Variants in FYCO1 observed in about 807,000 individuals in gnomAD.
FYCO1 encodes FYVE and coiled-coil domain-containing protein 1.
A neutral mutation model predicts 165.1 loss-of-function variants in FYCO1; 122 were observed. The observed-to-expected ratio is 0.74, with a 90% confidence interval of 0.64 to 0.86. The LOEUF is 0.86. Ranked by LOEUF, FYCO1 falls within the 40% of genes least tolerant of loss-of-function variation. The probability of loss-of-function intolerance (pLI) is 0.00; values close to 1 mark genes in which losing one functional copy is unlikely to be tolerated. For synonymous variants in FYCO1, 648 were observed against 742.5 expected, an observed-to-expected ratio of 0.87 and a Z score of 2.07; for missense variants, 1,702 against 1,810.3, an observed-to-expected ratio of 0.94 and a Z score of 1.09.
intron 14 of FYCO1, among the ~76,000 whole-genome samples, chr3:45,952,265 C>T (rs775433716): frequency 3.9e-5 from 6 of 152,206 alleles, no homozygotes; most frequent in Non-Finnish European, 5.9e-5. Context: ...TAATCTCTCC[C>T]GGATCCCTTC....
At chr3:45,941,088 G>C (rs987747875) in intron 14 of FYCO1, 1 of 152,252 alleles carries the variant, frequency 6.6e-6, no homozygotes, top group African/African-American at 2.4e-5. Context: ...TGCCGGCTAT[G>C]TTGCCCAGGC....
intron 16 of FYCO1, among the ~76,000 whole-genome samples, chr3:45,926,829 T>C (rs1373851215): frequency 6.6e-6 from 1 of 152,114 alleles, no homozygotes; most frequent in Non-Finnish European, 1.5e-5. Flanking sequence ...CTGGGCATGG[T>C]GGCGCATGCC....
At chr3:45,988,714 G>A (rs1707429670) in intron 1 of FYCO1, among the ~76,000 whole-genome samples, 1 of 152,198 alleles carries the variant, frequency 6.6e-6, no homozygotes, top group Non-Finnish European at 1.5e-5. Context: ...TCAAAATTAT[G>A]TTTAAGCCTA....
At chr3:45,954,992 C>T (rs578072972) in intron 14 of FYCO1, among the ~76,000 whole-genome samples, 2 of 152,316 alleles carry the variant, frequency 1.3e-5, no homozygotes, top group African/African-American at 4.8e-5. Flanking sequence ...AATATAGTCG[C>T]TCAAGCCAAG....
At chr3:45,979,851 G>A in intron 3 of FYCO1, 21 bp from the exon 4 acceptor site, 1 of 1,613,418 alleles carries the variant, frequency 6.2e-7, no homozygotes. Context: ...AAAGGGAAAG[G>A]GAGAGGAGGT....
At chr3:45,948,444 C>G (rs956663299) in intron 14 of FYCO1, 4 of 152,918 alleles carry the variant, frequency 2.6e-5, no homozygotes, top group African/African-American at 4.8e-5. Flanking sequence ...GGAAATAAGT[C>G]GTAAACTTTC....
chr3:45,948,665 G>A (rs1704795418), intron 14 of FYCO1, among the ~76,000 whole-genome samples: 2 of 152,026 alleles, frequency 1.3e-5, no homozygotes, highest in African/African-American at 4.8e-5. Flanking sequence ...ATGTTTTTTG[G>A]GCTTATGTAT....
chr3:45,984,750 G>T, intron 2 of FYCO1, 106 bp downstream of exon 2: 1 of 1,152,244 alleles, frequency 8.7e-7, no homozygotes, highest in Non-Finnish European at 1.3e-6. Flanking sequence ...CCAATTACTC[G>T]TTGTGTGAAC....
At position 45,923,770 on chromosome 3, in the gene FYCO1, G is replaced by C; in HGVS notation, c.4252-5C>G. On this transcript the variant is annotated splice_region_variant and splice_polypyrimidine_tract_variant and intron_variant, in intron 16 of 17. Coordinates refer to ENST00000296137, the MANE Select transcript of FYCO1 (RefSeq NM_024513.4). ...TCGGGTCGTGGGAATGAGGACCTGG[G>C]AGGGAAAGCAGGTAGGCAAAAACAT... The C allele has an allele frequency of 6.2e-7, 1 of 1,604,574 alleles. No individual in the cohort carries two copies. Among genetic ancestry groups the C allele is most frequent in the Non-Finnish European group, 8.5e-7 (1 of 1,171,276 alleles).
chr3:45,947,288 C>A, intron 14 of FYCO1: 1 of 1,614,144 alleles, frequency 6.2e-7, no homozygotes, highest in South Asian at 1.1e-5. Flanking sequence ...TTCACTACAC[C>A]ATCATGGTGA....
Position 45,968,497 on chromosome 3 carries a change from C to T in FYCO1, c.837G>A (p.Glu279=). 1 of 1,614,084 alleles carries T rather than the reference C, an allele frequency of 6.2e-7. No individual in the cohort carries two copies. Among genetic ancestry groups the T allele is most frequent in the South Asian group, 1.1e-5 (1 of 91,088 alleles). Residue 279 remains glutamate, a synonymous_variant, in exon 8 of 18, where the codon GAG becomes GAA. Coordinates refer to ENST00000296137, the MANE Select transcript of FYCO1 (RefSeq NM_024513.4). Reference sequence around the variant, plus strand: ...TGTCCTCCGCTGCAGTGCGCCCCCTCTCCCTCTCTGTCTGCAGTTGCTCCC... The same window carrying T: ...TGTCCTCCGCTGCAGTGCGCCCCCTTTCCCTCTCTGTCTGCAGTTGCTCCC... ...QQGEQLQTER[E]RGRTAAEDNV...
rs1353146089 is a variant in FYCO1 at position 45,964,522 on chromosome 3, T to C, written c.3151-68A>G. On this transcript the variant is annotated intron_variant, in intron 9 of 17. Coordinates refer to ENST00000296137, the MANE Select transcript of FYCO1 (RefSeq NM_024513.4). The surrounding 1 kb of genome is among the most constrained non-coding windows in gnomAD (Gnocchi z 4.1). The stretch of plus-strand genomic sequence containing the variant: ...GCCATGCAACGTACCATAAAGTGGC[T>C]GGTGTGCCATCCACCCCATCTGGCT... 15 of 1,604,032 alleles carry C rather than the reference T, an allele frequency of 9.4e-6. No homozygotes were observed. Among genetic ancestry groups the C allele is most frequent in the Non-Finnish European group, 1.3e-5 (15 of 1,175,886 alleles).
At chr3:45,979,982 G>A in intron 3 of FYCO1, 152 bp from the exon 4 acceptor site, 1 of 942,394 alleles carries the variant, frequency 1.1e-6, no homozygotes, top group Non-Finnish European at 1.6e-6. Flanking sequence ...AAATCAAGGT[G>A]TGTTAATACC....
chr3:45,963,610 T>G (rs1372225758), intron 10 of FYCO1, among the ~76,000 whole-genome samples: 1 of 152,226 alleles, frequency 6.6e-6, no homozygotes, highest in Non-Finnish European at 1.5e-5. Flanking sequence ...GTGGCACACA[T>G]GCAATTCGAT....
intron 3 of FYCO1, among the ~76,000 whole-genome samples, chr3:45,981,128 A>C (rs1707032051): frequency 6.6e-6 from 1 of 152,204 alleles, no homozygotes; most frequent in Non-Finnish European, 1.5e-5. Flanking sequence ...AAGCTCTAAA[A>C]CAGAAGCCCA....
chr3:45,961,087 T>C (rs1291836803), intron 11 of FYCO1, among the ~76,000 whole-genome samples: 2 of 152,106 alleles, frequency 1.3e-5, no homozygotes, highest in African/African-American at 4.8e-5. Context: ...AGAGAGATGA[T>C]AGGGAAACCC....
chr3:45,994,279 A>G (rs889886609), intron 1 of FYCO1, among the ~76,000 whole-genome samples: 1 of 152,228 alleles, frequency 6.6e-6, no homozygotes, highest in African/African-American at 2.4e-5. Flanking sequence ...TTCACCATAC[A>G]ATCCTTTCAG....
At chr3:45,982,447 C>T (rs1047678058) in intron 2 of FYCO1, among the ~76,000 whole-genome samples, 1 of 152,110 alleles carries the variant, frequency 6.6e-6, no homozygotes, top group Non-Finnish European at 1.5e-5. Flanking sequence ...GAATAAGAAC[C>T]CTGGTTTTCT....
chr3:45,973,043 ATG>A (rs778594300), intron 6 of FYCO1, 43 bp downstream of exon 6: 1 of 1,611,390 alleles, frequency 6.2e-7, no homozygotes, highest in Non-Finnish European at 8.5e-7. Flanking sequence ...AAAACTTCAA[ATG>A]TCTCTTTTCC....
Sources: allele counts gnomAD v4.1 joint callset (sites outside exome capture counted in the v4.1 genomes callset), GRCh38; gene constraint gnomAD v4.1.1; non-coding constraint Gnocchi (gnomAD v3.1); transcripts MANE v1.5; gene names NCBI Gene and HGNC (gene_info 2026-07-23, HGNC 2026-07-21).